Variants in METTL15 observed in about 807,000 individuals in gnomAD.
The protein encoded by METTL15 is 12S rRNA N(4)-cytidine methyltransferase METTL15.
In METTL15, 34 loss-of-function variants were observed where a neutral mutation model predicts 38.3. The ratio of observed to expected loss-of-function variants is 0.89; its 90% CI spans 0.68 to 1.18. The LOEUF is 1.18. Among genes scored for constraint, METTL15 ranks in the 50% most tolerant of loss-of-function variants. METTL15 has a pLI of 0.00. For missense variants in METTL15, 438 were observed against 498.4 expected, an observed-to-expected ratio of 0.88 and a Z score of 1.15; for synonymous variants, 162 against 170.9, an observed-to-expected ratio of 0.95 and a Z score of 0.41.
intron 5 of METTL15, chr11:28,398,757 C>T (rs983431006): frequency 6.6e-6 from 1 of 151,974 alleles, no homozygotes; most frequent in Non-Finnish European, 1.5e-5. Context: ...ATGCCTGTGT[C>T]CTGAATGGTA....
rs577487415 is a variant in METTL15, at chr11:28,344,208, A to G, written c.*190-7882A>G. ...GCTCTCTGTAGGATGACCAAGCACC[A>G]TTTAGTTCTCCATGACATATGAATG... On this transcript the variant is annotated intron_variant and NMD_transcript_variant, in intron 3 of 7. Coordinates refer to the METTL15 transcript ENST00000532947. Among the ~76,000 whole-genome samples, 10 of 152,310 alleles carry G rather than the reference A, an allele frequency of 6.6e-5. 1 individual carries two copies. Among genetic ancestry groups the G allele is most frequent in the African/African-American group, 2.4e-4 (10 of 41,568 alleles).
intron 5 of METTL15, among the ~76,000 whole-genome samples, chr11:28,397,937 G>T (rs1045600694): frequency 3.3e-5 from 5 of 151,894 alleles, no homozygotes; most frequent in Admixed American, 3.3e-4. Flanking sequence ...TGTCCTTTGT[G>T]GGGACATGGA....
intron 6 of METTL15, among the ~76,000 whole-genome samples, chr11:28,485,206 A>G (rs1302796073): frequency 1.3e-5 from 2 of 151,778 alleles, no homozygotes; most frequent in Admixed American, 6.6e-5. Flanking sequence ...GAAGGAAAGT[A>G]AGACTAACTG....
intron 6 of METTL15, among the ~76,000 whole-genome samples, chr11:28,319,458 G>T (rs4922802): frequency 0.98 from 147,282 of 149,610 alleles, 72,479 homozygotes; most frequent in Middle Eastern, 1. Context: ...ATAAGGTGTT[G>T]TTTTTTTTTT....
intron 4 of METTL15, among the ~76,000 whole-genome samples, chr11:28,221,305 T>G (rs1853206792): frequency 6.6e-6 from 1 of 152,206 alleles, no homozygotes; most frequent in Non-Finnish European, 1.5e-5. Flanking sequence ...CTTCATTTCA[T>G]TCATTTGATC....
intron 3 of METTL15, among the ~76,000 whole-genome samples, chr11:28,350,778 A>G (rs1365178628): frequency 1.3e-5 from 2 of 152,342 alleles, no homozygotes; most frequent in African/African-American, 2.4e-5. Flanking sequence ...TAAGACAAAA[A>G]TCTCTGTCCC....
chr11:28,246,683 G>T (rs1044984371), intron 4 of METTL15, among the ~76,000 whole-genome samples: 1 of 152,070 alleles, frequency 6.6e-6, no homozygotes, highest in South Asian at 2.1e-4. Context: ...ACTGTCCTGG[G>T]GCTTTTATGG....
At chr11:28,500,806 A>G (rs1851576121) in intron 6 of METTL15, among the ~76,000 whole-genome samples, 1 of 152,210 alleles carries the variant, frequency 6.6e-6, no homozygotes, top group African/African-American at 2.4e-5. Context: ...TACAGGCGTG[A>G]GCCACTGCAC....
chr11:28,450,436 A>G (rs928104240), intron 6 of METTL15, among the ~76,000 whole-genome samples: 1 of 152,258 alleles, frequency 6.6e-6, no homozygotes, highest in African/African-American at 2.4e-5. Flanking sequence ...AAATATGATA[A>G]TACTAATCTC....
At position 28,229,822 on chromosome 11, in the gene METTL15, A is replaced by G. The variant is rs187385995; in HGVS notation, c.407+18624A>G. On this transcript the variant is annotated intron_variant, in intron 4 of 6. Coordinates refer to ENST00000407364, the MANE Select transcript of METTL15 (RefSeq NM_001113528.2). Reference sequence around the variant, plus strand: ...CACAATTACAGACACTGCTGCACTGAGCTGTATTAGTGTCTTCTTTTAACC... The same window carrying G: ...CACAATTACAGACACTGCTGCACTGGGCTGTATTAGTGTCTTCTTTTAACC... 1.9e-3 allele frequency among the ~76,000 whole-genome samples: 290 copies of G among 152,120 alleles called. 1 individual carries two copies. Among genetic ancestry groups the G allele is most frequent in the African/African-American group, 6.8e-3 (283 of 41,526 alleles).
chr11:28,496,573 T>C (rs1411716719), intron 6 of METTL15, among the ~76,000 whole-genome samples: 3 of 152,182 alleles, frequency 2.0e-5, no homozygotes, highest in South Asian at 2.1e-4. Flanking sequence ...ACCAGAGAGT[T>C]TTATGGACAC....
At chr11:28,491,403 A>T (rs1851493715) in intron 6 of METTL15, among the ~76,000 whole-genome samples, 3 of 152,130 alleles carry the variant, frequency 2.0e-5, no homozygotes, top group Admixed American at 2.0e-4. Context: ...TCCAGGTAGT[A>T]ACTAGGACCC....
intron 3 of METTL15, among the ~76,000 whole-genome samples, chr11:28,187,360 A>G (rs1158742586): frequency 6.6e-6 from 1 of 151,028 alleles, no homozygotes; most frequent in Non-Finnish European, 1.5e-5. Flanking sequence ...CAATAGTAAG[A>G]TTGTACATTG....
chr11:28,450,202 G>T (rs1283134915), intron 6 of METTL15, among the ~76,000 whole-genome samples: 1 of 152,126 alleles, frequency 6.6e-6, no homozygotes, highest in Non-Finnish European at 1.5e-5. Context: ...GCCGACGGAG[G>T]TCTTAGCTTT....
intron 6 of METTL15, among the ~76,000 whole-genome samples, chr11:28,301,777 A>G (rs1264622376): frequency 6.6e-6 from 1 of 152,138 alleles, no homozygotes; most frequent in African/African-American, 2.4e-5. Context: ...TTTGGACAGT[A>G]TTGTTCTAGA....
chr11:28,507,087 C>T (rs931086106), intron 6 of METTL15, among the ~76,000 whole-genome samples: 3 of 152,130 alleles, frequency 2.0e-5, no homozygotes, highest in African/African-American at 7.2e-5. Context: ...CGTTACCAAT[C>T]AGTCAGCACA....
chr11:28,419,452 C>G (rs1417581498), intron 5 of METTL15, among the ~76,000 whole-genome samples: 1 of 152,138 alleles, frequency 6.6e-6, no homozygotes, highest in African/African-American at 2.4e-5. Flanking sequence ...CATATGGTGC[C>G]CCCTAATACA....
intron 4 of METTL15, among the ~76,000 whole-genome samples, chr11:28,252,111 A>G (rs1174145455): frequency 1.3e-5 from 2 of 152,180 alleles, no homozygotes; most frequent in African/African-American, 4.8e-5. Flanking sequence ...GCATGCTCTC[A>G]ATGTGAAGGT....
chr11:28,110,945 T>TA (rs1851691475), intron 2 of METTL15, among the ~76,000 whole-genome samples: 2 of 152,312 alleles, frequency 1.3e-5, no homozygotes, highest in South Asian at 4.1e-4. Context: ...AGAGGGAACT[T>TA]AATCTTAAAT....
Sources: gnomAD v4.1 joint callset for allele counts (sites outside exome capture counted in the v4.1 genomes callset) on GRCh38, gnomAD v4.1.1 for gene constraint, MANE v1.5 for transcripts, NCBI Gene and HGNC (gene_info 2026-07-23, HGNC 2026-07-21) for gene names.